The following CACNA1D variants were observed in gnomAD, a reference collection of about 807,000 sequenced individuals.
The protein encoded by CACNA1D is calcium voltage-gated channel subunit alpha1 D.
Under a neutral mutation model 257.1 loss-of-function variants are expected in CACNA1D, and 55 were observed. That is an observed-to-expected ratio of 0.21 (90% CI 0.17 to 0.27). The LOEUF (loss-of-function observed/expected upper bound fraction) is 0.27, where lower values mean the gene tolerates loss of function less well. CACNA1D is among the 10% of genes least tolerant of loss of function. The probability of loss-of-function intolerance (pLI) is 1.00; values close to 1 mark genes in which losing one functional copy is unlikely to be tolerated. For missense variants in CACNA1D, 1,876 were observed against 2,784.0 expected (o/e 0.67, Z 7.34); for synonymous variants, 980 against 1,014.9 (o/e 0.97, Z 0.65).
At position 53,745,668 on chromosome 3, in the gene CACNA1D, C is replaced by T. The variant is rs1308439524; in HGVS notation, c.3051C>T (p.Asn1017=). The T allele has an allele frequency of 6.2e-7, 1 of 1,614,174 alleles. No homozygotes were observed. Among genetic ancestry groups the T allele is most frequent in the Admixed American group, 1.7e-5 (1 of 60,030 alleles). The change falls in exon 24 of 48, where the codon AAC becomes AAT. Residue 1017 remains asparagine (N), a synonymous_variant. Transcript: ENST00000350061. ...TCGTGGCCATCCGGACCATCGGCAA[C>T]ATCATGATCGTCACCACCCTCCTGC... ...CVFVAIRTIG[N]IMIVTTLLQF...
At chr3:53,691,898 TAC>T (rs1307868968) in intron 8 of CACNA1D, among the ~76,000 whole-genome samples, 29 of 97,014 alleles carry the variant, frequency 3.0e-4, no homozygotes, top group Non-Finnish European at 4.6e-4. Context: ...TTATATATAT[TAC>T]ATATATTATA....
At chr3:53,547,916 C>T (rs772640090) in intron 3 of CACNA1D, among the ~76,000 whole-genome samples, 4 of 152,110 alleles carry the variant, frequency 2.6e-5, no homozygotes, top group Admixed American at 1.3e-4. Context: ...TATTAAATGC[C>T]GACTACTTCC....
At chr3:53,574,657 C>T (rs575525245) in intron 3 of CACNA1D, among the ~76,000 whole-genome samples, 3 of 152,106 alleles carry the variant, frequency 2.0e-5, no homozygotes, top group South Asian at 2.1e-4. Context: ...GCATCTCCCC[C>T]ACCCCCAGCA....
intron 3 of CACNA1D, among the ~76,000 whole-genome samples, chr3:53,592,686 C>T (rs934207730): frequency 1.3e-5 from 2 of 151,726 alleles, no homozygotes; most frequent in African/African-American, 4.8e-5. Flanking sequence ...ACTGTAGCAT[C>T]CCAGGGCCTG....
At chr3:53,724,056 C>A in intron 14 of CACNA1D, 57 bp downstream of exon 14, 1 of 1,357,512 alleles carries the variant, frequency 7.4e-7, no homozygotes, top group Non-Finnish European at 1.1e-6. Flanking sequence ...TAAAACTCCT[C>A]TGCCTTCTTG....
intron 4 of CACNA1D, among the ~76,000 whole-genome samples, chr3:53,659,729 C>T (rs897872417): frequency 3.9e-5 from 6 of 152,236 alleles, no homozygotes; most frequent in Non-Finnish European, 7.3e-5. Flanking sequence ...ATTGCTGCTG[C>T]ATAACATTTT....
At chr3:53,518,248 G>T (rs547959057) in intron 3 of CACNA1D, among the ~76,000 whole-genome samples, 85 of 152,332 alleles carry the variant, frequency 5.6e-4, no homozygotes, top group African/African-American at 2.0e-3. Flanking sequence ...GCTTGTGTTT[G>T]ATCTTATGCT....
chr3:53,582,538 A>G (rs2093150272), intron 3 of CACNA1D, among the ~76,000 whole-genome samples: 1 of 152,074 alleles, frequency 6.6e-6, no homozygotes, highest in African/African-American at 2.4e-5. Flanking sequence ...GGATGTGAAC[A>G]TTTGGAGATT....
intron 3 of CACNA1D, among the ~76,000 whole-genome samples, chr3:53,543,946 C>A (rs62251868): frequency 2.2e-4 from 33 of 152,084 alleles, no homozygotes; most frequent in African/African-American, 7.7e-4. Flanking sequence ...TATTTCTACA[C>A]ACAGATTTGC....
chr3:53,562,715 A>G (rs189830092), intron 3 of CACNA1D, among the ~76,000 whole-genome samples: 18 of 152,318 alleles, frequency 1.2e-4, no homozygotes, highest in African/African-American at 4.1e-4. Flanking sequence ...CTGAAGAAAT[A>G]TGGAAGTGTT....
chr3:53,696,301 G>A (rs1345269666), intron 8 of CACNA1D, among the ~76,000 whole-genome samples: 2 of 152,198 alleles, frequency 1.3e-5, no homozygotes, highest in Non-Finnish European at 2.9e-5. Context: ...TCCTCCTGGT[G>A]TCTACCTTCT....
At chr3:53,629,622 G>A (rs956453425) in intron 3 of CACNA1D, among the ~76,000 whole-genome samples, 6 of 152,108 alleles carry the variant, frequency 3.9e-5, no homozygotes, top group African/African-American at 1.2e-4. Context: ...TCTTCCTGGC[G>A]CAGATGCTTT....
At chr3:53,572,362 GTTTGTTTGTTTGTTTA>G (rs1249077735) in intron 3 of CACNA1D, among the ~76,000 whole-genome samples, 749 of 45,592 alleles carry the variant, frequency 0.016, 6 homozygotes, top group African/African-American at 0.029. Flanking sequence ...CCTCTGGTTT[GTTTGTTTGTTTGTTTA>G]TTTATTTATT....
intron 37 of CACNA1D, among the ~76,000 whole-genome samples, chr3:53,777,316 C>T (rs2095403306): frequency 1.3e-5 from 2 of 152,082 alleles, no homozygotes. Context: ...CATCCTTTGG[C>T]TAGGACATAA....
intron 3 of CACNA1D, among the ~76,000 whole-genome samples, chr3:53,615,456 G>A (rs1441276173): frequency 6.6e-6 from 1 of 152,158 alleles, no homozygotes; most frequent in Non-Finnish European, 1.5e-5. Context: ...TGTTGGTTTG[G>A]TGACATAATG....
chr3:53,775,781 A>C, intron 34 of CACNA1D, 105 bp from the exon 35 acceptor site: 1 of 1,107,038 alleles, frequency 9.0e-7, no homozygotes, highest in Non-Finnish European at 1.4e-6. Flanking sequence ...ATTTTCTTCA[A>C]ATGACTTAGG....
At chr3:53,609,576 C>T (rs1214632552) in intron 3 of CACNA1D, among the ~76,000 whole-genome samples, 1 of 152,032 alleles carries the variant, frequency 6.6e-6, no homozygotes, top group Non-Finnish European at 1.5e-5. Flanking sequence ...CATAATATTT[C>T]CTGATTATAT....
At chr3:53,803,906 T>G (rs940600749) in intron 44 of CACNA1D, among the ~76,000 whole-genome samples, 2 of 152,140 alleles carry the variant, frequency 1.3e-5, no homozygotes, top group African/African-American at 4.8e-5. Context: ...TTTGCTGAAT[T>G]AACACTTGGA....
At chr3:53,584,467 T>C (rs1483427524) in intron 3 of CACNA1D, among the ~76,000 whole-genome samples, 1 of 152,248 alleles carries the variant, frequency 6.6e-6, no homozygotes, top group Admixed American at 6.5e-5. Flanking sequence ...ACCACTTGTT[T>C]CTACCTTTAA....
Sources: allele counts gnomAD v4.1 joint callset (sites outside exome capture counted in the v4.1 genomes callset), GRCh38; gene constraint gnomAD v4.1.1; transcripts MANE v1.5; gene names NCBI Gene and HGNC (gene_info 2026-07-23, HGNC 2026-07-21).